The following CAMK1D variants were observed in gnomAD, a reference collection of about 807,000 sequenced individuals.
CAMK1D encodes calcium/calmodulin dependent protein kinase ID, also known as calcium/calmodulin-dependent protein kinase type 1D.
A neutral mutation model predicts 47.7 loss-of-function variants in CAMK1D; 9 were observed. The ratio of observed to expected loss-of-function variants is 0.19; its 90% confidence interval spans 0.11 to 0.33. CAMK1D has a LOEUF of 0.33. Among genes scored for constraint, CAMK1D ranks in the 10% least tolerant of loss-of-function variants. The probability of loss-of-function intolerance (pLI) is 1.00; values close to 1 mark genes in which losing one functional copy is unlikely to be tolerated. For synonymous variants in CAMK1D, 184 were observed against 184.9 expected (o/e 0.99, Z 0.04); for missense variants, 291 against 488.7 (o/e 0.60, Z 3.81).
At chr10:12,701,448 C>T (rs1483965494) in intron 3 of CAMK1D, among the ~76,000 whole-genome samples, 1 of 152,202 alleles carries the variant, frequency 6.6e-6, no homozygotes, top group Non-Finnish European at 1.5e-5. Context: ...CTGAACAGGC[C>T]TCAGGCTTCT....
intron 1 of CAMK1D, among the ~76,000 whole-genome samples, chr10:12,487,376 C>T (rs1449048332): frequency 6.6e-6 from 1 of 152,216 alleles, no homozygotes; most frequent in Non-Finnish European, 1.5e-5. Flanking sequence ...CTACCCCACA[C>T]TTCTTCCAGC....
At chr10:12,370,094 C>G (rs1190287099) in intron 1 of CAMK1D, among the ~76,000 whole-genome samples, 1 of 151,876 alleles carries the variant, frequency 6.6e-6, no homozygotes, top group Non-Finnish European at 1.5e-5. Flanking sequence ...AGTGAGCTGC[C>G]ACCTGTAACA....
chr10:12,681,053 C>T (rs935720448), intron 3 of CAMK1D, among the ~76,000 whole-genome samples: 2 of 152,144 alleles, frequency 1.3e-5, no homozygotes, highest in African/African-American at 4.8e-5. Context: ...GCTCTGCAGC[C>T]AGGAGGATCA....
chr10:12,573,535 A>C (rs935483902), intron 2 of CAMK1D, among the ~76,000 whole-genome samples: 4 of 152,218 alleles, frequency 2.6e-5, no homozygotes, highest in Non-Finnish European at 5.9e-5. Context: ...CACTTTCTGC[A>C]GTTCTGGCTT....
rs1417052071 is a variant in CAMK1D, at chr10:12,834,059, A to G, written c.*5172A>G. The G allele has an allele frequency of 3.3e-5, 5 of 152,238 alleles. No homozygotes were observed. The highest frequency in any genetic ancestry group is 9.7e-5 in the African/African-American group (4 of 41,450). 9.4% of individuals were successfully genotyped at this position (152,238 alleles called of 1,614,324 possible). A position where few individuals can be genotyped will look rare whatever the true frequency, so the allele number is the denominator to read the frequency against. ...CAGTCTTTCGATGTTCAGAATTGAAAATGTGGAGATAGAAAAGCTCAAACA... is the reference window on the plus strand; with the variant it reads ...CAGTCTTTCGATGTTCAGAATTGAAGATGTGGAGATAGAAAAGCTCAAACA... On this transcript the variant is annotated 3_prime_UTR_variant, in exon 11 of 11. Coordinates refer to ENST00000619168, the MANE Select transcript of CAMK1D (RefSeq NM_153498.4).
chr10:12,408,524 C>T (rs1206587397), intron 1 of CAMK1D, among the ~76,000 whole-genome samples: 1 of 152,174 alleles, frequency 6.6e-6, no homozygotes, highest in African/African-American at 2.4e-5. Flanking sequence ...TATGATTCTG[C>T]AAGGCACAGT....
intron 1 of CAMK1D, among the ~76,000 whole-genome samples, chr10:12,408,732 A>T (rs559872364): frequency 6.6e-6 from 1 of 152,058 alleles, no homozygotes; most frequent in South Asian, 2.1e-4. Flanking sequence ...GATGCTGCAA[A>T]CAGTACGTGG....
At chr10:12,549,577 A>T (rs758515020) in intron 1 of CAMK1D, among the ~76,000 whole-genome samples, 2 of 152,212 alleles carry the variant, frequency 1.3e-5, no homozygotes, top group Non-Finnish European at 2.9e-5. Context: ...GTGGAGTTGC[A>T]TGCTGACTTG....
intron 3 of CAMK1D, among the ~76,000 whole-genome samples, chr10:12,697,867 A>G (rs2130707821): frequency 6.6e-6 from 1 of 152,296 alleles, no homozygotes; most frequent in Non-Finnish European, 1.5e-5. Context: ...TTTCACAGCC[A>G]TGGGGTGTGA....
chr10:12,529,489 A>G (rs918962763), intron 1 of CAMK1D, among the ~76,000 whole-genome samples: 15 of 152,204 alleles, frequency 9.9e-5, no homozygotes, highest in African/African-American at 3.6e-4. Context: ...GTTCTGGCAA[A>G]TTGGGACAAA....
chr10:12,553,011 G>A (rs1048992930), intron 1 of CAMK1D, among the ~76,000 whole-genome samples: 5 of 152,100 alleles, frequency 3.3e-5, no homozygotes, highest in Admixed American at 6.5e-5. Flanking sequence ...CCAAAGTGTC[G>A]GGATTACAGG....
intron 1 of CAMK1D, among the ~76,000 whole-genome samples, chr10:12,498,718 T>C (rs1291945902): frequency 2.0e-5 from 3 of 152,036 alleles, no homozygotes; most frequent in African/African-American, 4.8e-5. Flanking sequence ...GAAGCAGACC[T>C]CCAAGGTGAG....
intron 3 of CAMK1D, among the ~76,000 whole-genome samples, chr10:12,751,331 T>C (rs1428128954): frequency 2.6e-5 from 4 of 152,172 alleles, no homozygotes; most frequent in Non-Finnish European, 5.9e-5. Flanking sequence ...CATAGCTCAC[T>C]GCAGCCTCCA....
At chr10:12,608,686 G>A (rs1838534852) in intron 2 of CAMK1D, among the ~76,000 whole-genome samples, 1 of 152,238 alleles carries the variant, frequency 6.6e-6, no homozygotes, top group Admixed American at 6.5e-5. Flanking sequence ...ACAAGAACTT[G>A]TATTGAATCT....
chr10:12,355,940 G>C (rs1837499833), intron 1 of CAMK1D, among the ~76,000 whole-genome samples: 1 of 152,114 alleles, frequency 6.6e-6, no homozygotes, highest in Non-Finnish European at 1.5e-5. Flanking sequence ...TGTGGGGTGG[G>C]GTGATGGCAG....
chr10:12,624,691 C>CT (rs1359559459), intron 2 of CAMK1D, among the ~76,000 whole-genome samples: 5 of 152,130 alleles, frequency 3.3e-5, no homozygotes, highest in South Asian at 2.1e-4. Context: ...CCTTCCTTTC[C>CT]TTTTTTTACG....
chr10:12,489,510 T>G (rs953782778), intron 1 of CAMK1D, among the ~76,000 whole-genome samples: 4 of 152,052 alleles, frequency 2.6e-5, no homozygotes, highest in South Asian at 2.1e-4. Context: ...AATCAAGCGG[T>G]AGGGAAGCAG....
At chr10:12,691,850 A>G (rs1467828611) in intron 3 of CAMK1D, among the ~76,000 whole-genome samples, 3 of 152,118 alleles carry the variant, frequency 2.0e-5, no homozygotes, top group African/African-American at 7.2e-5. Context: ...CAACACTTAC[A>G]TGTAAATTTA....
At chr10:12,803,274 C>T (rs1396222194) in intron 6 of CAMK1D, among the ~76,000 whole-genome samples, 2 of 152,250 alleles carry the variant, frequency 1.3e-5, no homozygotes, top group African/African-American at 2.4e-5. Context: ...AAATGTTCCA[C>T]TGTCCCATTT....
Sources: allele counts gnomAD v4.1 joint callset (sites outside exome capture counted in the v4.1 genomes callset), GRCh38; gene constraint gnomAD v4.1.1; transcripts MANE v1.5; gene names NCBI Gene and HGNC (gene_info 2026-07-23, HGNC 2026-07-21).